Variants in FAM120B observed in about 807,000 individuals in gnomAD.
FAM120B encodes the protein family with sequence similarity 120 member B, also known as constitutive coactivator of peroxisome proliferator-activated receptor gamma.
A neutral mutation model predicts 96.3 loss-of-function variants in FAM120B; 83 were observed. The observed-to-expected ratio is 0.86, with a 90% CI of 0.72 to 1.03. The LOEUF (loss-of-function observed/expected upper bound fraction) is 1.03, where lower values mean the gene tolerates loss of function less well. FAM120B is among the 50% of genes least tolerant of loss of function. FAM120B has a pLI of 0.00. For synonymous variants in FAM120B, 407 were observed against 402.7 expected (o/e 1.01, Z -0.13); for missense variants, 1,027 against 1,121.2 (o/e 0.92, Z 1.20).
intron 9 of FAM120B, among the ~76,000 whole-genome samples, chr6:170,398,113 A>G (rs1360466188): frequency 6.6e-6 from 1 of 152,262 alleles, no homozygotes; most frequent in Non-Finnish European, 1.5e-5. Flanking sequence ...CCTGCCTGTC[A>G]CAGAGGAAAC....
At chr6:170,372,483 T>A (rs1789258700) in intron 6 of FAM120B, among the ~76,000 whole-genome samples, 1 of 152,202 alleles carries the variant, frequency 6.6e-6, no homozygotes. Flanking sequence ...GCTCTGTGAT[T>A]CTTTGAATGT....
chr6:170,384,290 A>G (rs998866970), intron 6 of FAM120B, among the ~76,000 whole-genome samples: 1 of 152,196 alleles, frequency 6.6e-6, no homozygotes. Flanking sequence ...GCCCTGTAGT[A>G]TGTCAGATGT....
intron 6 of FAM120B, 132 bp from the exon 7 acceptor site, chr6:170,388,155 C>A: frequency 1.4e-6 from 1 of 738,344 alleles, no homozygotes; most frequent in African/African-American, 1.7e-5. Flanking sequence ...TTTGAGGATG[C>A]AGCTATGGTG....
In FAM120B at chr6:170,333,691, G is replaced by A. The variant is rs540600116; in HGVS notation, c.2017+3141G>A. On this transcript the variant is annotated intron_variant, in intron 4 of 10. Coordinates refer to ENST00000476287, the MANE Select transcript of FAM120B (RefSeq NM_032448.3). ...AGTAGAGTCTGGGTTTCGCCTTGTT[G>A]GCCAGGCTGGTCTCAAACTCCTGGC... Among the ~76,000 whole-genome samples, 8 of 152,116 alleles carry A rather than the reference G, an allele frequency of 5.3e-5. No individual in the cohort carries two copies. In the South Asian group the frequency reaches 1.7e-3, roughly 32 times the overall value.
At chr6:170,316,577 T>C (rs1258545176) in intron 1 of FAM120B, among the ~76,000 whole-genome samples, 1 of 152,240 alleles carries the variant, frequency 6.6e-6, no homozygotes, top group East Asian at 1.9e-4. Flanking sequence ...TTTGTATCTG[T>C]CTTTAAATTT....
intron 6 of FAM120B, among the ~76,000 whole-genome samples, chr6:170,376,746 C>G (rs540726803): frequency 1.3e-5 from 2 of 152,294 alleles, no homozygotes; most frequent in South Asian, 4.1e-4. Flanking sequence ...GAATGTGAAC[C>G]GAAAATCTGG....
intron 6 of FAM120B, among the ~76,000 whole-genome samples, chr6:170,380,396 G>C (rs1229309497): frequency 2.0e-5 from 3 of 152,122 alleles, no homozygotes; most frequent in East Asian, 1.9e-4. Flanking sequence ...TCATATGGTA[G>C]CTCTATTTTT....
chr6:170,372,146 G>GATA (rs1308947861), intron 6 of FAM120B, among the ~76,000 whole-genome samples: 1 of 152,100 alleles, frequency 6.6e-6, no homozygotes, highest in Non-Finnish European at 1.5e-5. Flanking sequence ...TTTGCCATTT[G>GATA]ATAAGAACAT....
chr6:170,327,100 G>A (rs1785639865), intron 3 of FAM120B, among the ~76,000 whole-genome samples: 1 of 151,810 alleles, frequency 6.6e-6, no homozygotes, highest in African/African-American at 2.4e-5. Context: ...AGGCTGGAGG[G>A]CAGTAGCACA....
At chr6:170,353,325 A>G (rs917514860) in intron 5 of FAM120B, among the ~76,000 whole-genome samples, 17 of 152,266 alleles carry the variant, frequency 1.1e-4, no homozygotes, top group African/African-American at 3.9e-4. Flanking sequence ...AGAGGTACAA[A>G]GAAGAGCTGG....
Position 170,376,784 on chromosome 6 carries a change from A to G in FAM120B, c.2284-11503A>G, listed in dbSNP as rs183496271. Among the ~76,000 whole-genome samples the G allele has an allele frequency of 4.6e-5, 7 of 152,370 alleles. No homozygotes were observed. In the East Asian group the frequency reaches 1.4e-3, roughly 29 times the overall value. On this transcript the variant is annotated intron_variant, in intron 6 of 10. Transcript: ENST00000476287. ...TAGCCAGATGGGAACATGGAGAGGA[A>G]GGAGGAGCGCCTGCTTGGTAAGAAA... is the stretch of plus-strand genomic sequence containing the variant.
intron 1 of FAM120B, among the ~76,000 whole-genome samples, chr6:170,313,021 C>CA (rs1409030947): frequency 6.6e-6 from 1 of 152,136 alleles, no homozygotes; most frequent in Admixed American, 6.5e-5. Context: ...AAGGCCCTAG[C>CA]AAAAGTGTGG....
chr6:170,389,323 A>T (rs777252015), intron 7 of FAM120B, among the ~76,000 whole-genome samples: 16 of 152,188 alleles, frequency 1.1e-4, no homozygotes, highest in Non-Finnish European at 2.1e-4. Context: ...CATCCATCAC[A>T]TGAGACCAGG....
At chr6:170,304,550 T>A (rs941944822), upstream of FAM120B, among the ~76,000 whole-genome samples, 4 of 152,176 alleles carry the variant, frequency 2.6e-5, no homozygotes, top group African/African-American at 9.7e-5. Context: ...GTGTTTTCTC[T>A]TTTTCTTTTT....
At chr6:170,330,391 C>A in intron 3 of FAM120B, 58 bp from the exon 4 acceptor site, 1 of 1,385,806 alleles carries the variant, frequency 7.2e-7, no homozygotes, top group Non-Finnish European at 1.0e-6. Flanking sequence ...GTCTGTGACA[C>A]TGTGAGCCTG....
At chr6:170,312,791 T>C (rs9295395) in intron 1 of FAM120B, among the ~76,000 whole-genome samples, 48,934 of 152,142 alleles carry the variant, frequency 0.32, 9,222 homozygotes, top group East Asian at 0.9. Flanking sequence ...AGATCTGGCT[T>C]AGCTCTGAAT....
rs564310158 is a variant in FAM120B at position 170,310,951 on chromosome 6, G to T, written c.-22+4109G>T. 1.2e-4 allele frequency among the ~76,000 whole-genome samples: 18 copies of T among 152,338 alleles called. No homozygotes were observed. In the South Asian group the frequency reaches 3.5e-3, roughly 30 times the overall value. ...CCTGAATGAGTATTTATGAGTGAAT[G>T]TGGGAATTTGGTTGAGTTTAGATCT... On this transcript the variant is annotated intron_variant, in intron 1 of 10. Transcript: ENST00000476287.
chr6:170,352,770 G>A (rs1398793868), intron 5 of FAM120B, among the ~76,000 whole-genome samples: 3 of 152,118 alleles, frequency 2.0e-5, no homozygotes, highest in African/African-American at 7.2e-5. Context: ...GAAATTTATA[G>A]CACTAAATGC....
upstream of FAM120B, chr6:170,295,192 C>G (rs896090808): frequency 9.8e-6 from 5 of 508,784 alleles, no homozygotes; most frequent in East Asian, 1.4e-4. The surrounding 1 kb of genome is among the most constrained non-coding windows in gnomAD (Gnocchi z 7.8). Context: ...TGGTTACTTC[C>G]TTGCTGCTTA....
Sources: gnomAD v4.1 joint callset for allele counts (sites outside exome capture counted in the v4.1 genomes callset) on GRCh38, gnomAD v4.1.1 for gene constraint, Gnocchi (gnomAD v3.1) non-coding constraint, MANE v1.5 for transcripts, NCBI Gene and HGNC (gene_info 2026-07-23, HGNC 2026-07-21) for gene names.